The following WARS2 variants were observed in gnomAD, a reference collection of about 807,000 sequenced individuals.
WARS2 encodes tryptophan--tRNA ligase, mitochondrial.
WARS2 carries 28 observed loss-of-function variants against 36.5 expected under a neutral mutation model. That is an observed-to-expected ratio of 0.77 (90% CI 0.57 to 1.05). WARS2 has a LOEUF of 1.05. Among genes scored for constraint, WARS2 ranks in the 50% least tolerant of loss-of-function variants. WARS2 has a pLI of 0.00. For missense variants in WARS2, 435 were observed against 456.8 expected, an observed-to-expected ratio of 0.95 and a Z score of 0.44; for synonymous variants, 174 against 178.4, an observed-to-expected ratio of 0.98 and a Z score of 0.20.
intron 1 of WARS2, among the ~76,000 whole-genome samples, chr1:119,107,617 CCT>C (rs1042840981): frequency 4.7e-5 from 7 of 150,376 alleles, no homozygotes; most frequent in Non-Finnish European, 5.9e-5. Flanking sequence ...CTATATAATG[CCT>C]CTCTCTCTCT....
At chr1:119,081,127 AATC>A (rs1414441117) in intron 1 of WARS2, among the ~76,000 whole-genome samples, 1 of 152,220 alleles carries the variant, frequency 6.6e-6, no homozygotes, top group Admixed American at 6.5e-5. Context: ...TGGGTATTCA[AATC>A]AAAGGTAGAG....
In WARS2 at chr1:119,034,078, A is replaced by T; in HGVS notation, c.634+17T>A. The T allele has an allele frequency of 6.3e-7, 1 of 1,599,304 alleles. No homozygotes were observed. Among genetic ancestry groups the T allele is most frequent in the South Asian group, 1.1e-5 (1 of 90,762 alleles). On this transcript the variant is annotated intron_variant, in intron 5 of 5. Coordinates refer to ENST00000235521, the MANE Select transcript of WARS2 (RefSeq NM_015836.4). ...TAGAATATACCCTGATGTAACAATT[A>T]TAAGTTTCTTACTTACTGAGAATGG...
intron 3 of WARS2, among the ~76,000 whole-genome samples, chr1:119,042,744 T>C (rs1184436098): frequency 6.6e-6 from 1 of 152,172 alleles, no homozygotes; most frequent in African/African-American, 2.4e-5. Flanking sequence ...AAAAGCCCTA[T>C]TGTTTATACA....
At chr1:119,115,192 T>C (rs587686002) in intron 1 of WARS2, among the ~76,000 whole-genome samples, 2 of 152,304 alleles carry the variant, frequency 1.3e-5, no homozygotes, top group African/African-American at 4.8e-5. Flanking sequence ...ATTAGAATCC[T>C]TCTTGCAGTA....
chr1:119,109,278 G>C (rs78569215), intron 1 of WARS2, among the ~76,000 whole-genome samples: 3,162 of 151,950 alleles, frequency 0.021, 101 homozygotes, highest in African/African-American at 0.072. Context: ...TTTTCTGCCT[G>C]CTAGATCTCT....
chr1:119,124,991 TCA>T (rs1344828084), intron 1 of WARS2, among the ~76,000 whole-genome samples: 3 of 152,228 alleles, frequency 2.0e-5, no homozygotes, highest in Non-Finnish European at 2.9e-5. Flanking sequence ...AACATCTGTT[TCA>T]CAGATTCTCA....
intron 1 of WARS2, among the ~76,000 whole-genome samples, chr1:119,083,947 G>A (rs587746398): frequency 1.1e-4 from 17 of 151,800 alleles, no homozygotes; most frequent in South Asian, 4.2e-4. Flanking sequence ...ACAGGTAATC[G>A]ATCAAGAAGC....
At chr1:119,083,968 T>TA (rs1374067105) in intron 1 of WARS2, among the ~76,000 whole-genome samples, 2 of 151,914 alleles carry the variant, frequency 1.3e-5, no homozygotes, top group Non-Finnish European at 2.9e-5. Flanking sequence ...ACTACAATTT[T>TA]AAAAGTACAA....
At chr1:119,067,261 G>A (rs1650955321) in intron 2 of WARS2, among the ~76,000 whole-genome samples, 1 of 152,158 alleles carries the variant, frequency 6.6e-6, no homozygotes, top group Non-Finnish European at 1.5e-5. Flanking sequence ...TAGGAATGAT[G>A]AGTATCAAAT....
At chr1:119,124,354 A>G (rs764783221) in intron 1 of WARS2, among the ~76,000 whole-genome samples, 6 of 151,984 alleles carry the variant, frequency 3.9e-5, no homozygotes, top group Non-Finnish European at 8.8e-5. Context: ...TTAGCCAGGT[A>G]TGGTGTGCGC....
chr1:119,130,652 G>A (rs1160867971), intron 1 of WARS2, among the ~76,000 whole-genome samples: 1 of 152,156 alleles, frequency 6.6e-6, no homozygotes, highest in African/African-American at 2.4e-5. Context: ...TATGGTTTAA[G>A]TTCAACAATC....
intron 1 of WARS2, among the ~76,000 whole-genome samples, chr1:119,135,235 T>G (rs910910706): frequency 3.3e-5 from 5 of 152,218 alleles, no homozygotes; most frequent in Non-Finnish European, 7.4e-5. Context: ...GAAGCTGCAG[T>G]ATTTTTCAAA....
chr1:119,074,029 C>T (rs1028861955), intron 2 of WARS2, among the ~76,000 whole-genome samples: 7 of 152,104 alleles, frequency 4.6e-5, no homozygotes, highest in African/African-American at 1.2e-4. Context: ...AATAGGTACT[C>T]GTGGCTGGGA....
intron 2 of WARS2, among the ~76,000 whole-genome samples, chr1:119,069,703 A>G (rs1255130326): frequency 6.6e-6 from 1 of 152,130 alleles, no homozygotes; most frequent in Non-Finnish European, 1.5e-5. Flanking sequence ...AGCTAAGCTG[A>G]GTTTAGATTT....
chr1:119,044,056 A>C (rs756888477), intron 3 of WARS2, among the ~76,000 whole-genome samples: 5 of 152,216 alleles, frequency 3.3e-5, no homozygotes, highest in Non-Finnish European at 7.3e-5. Context: ...ACAGACTATA[A>C]GTCTCACGAA....
chr1:119,041,036 C>CTGCA (rs1557935042), intron 4 of WARS2, among the ~76,000 whole-genome samples: 1 of 152,200 alleles, frequency 6.6e-6, no homozygotes, highest in Non-Finnish European at 1.5e-5. Context: ...TGAAGATAGG[C>CTGCA]TGCATGTACT....
intron 1 of WARS2, among the ~76,000 whole-genome samples, chr1:119,117,955 A>G (rs1034341050): frequency 6.6e-6 from 1 of 152,152 alleles, no homozygotes; most frequent in African/African-American, 2.4e-5. Context: ...ATATCTTTCC[A>G]CTGAAACAGT....
At chr1:119,082,484 G>A (rs587736741) in intron 1 of WARS2, 3 of 980,236 alleles carry the variant, frequency 3.1e-6, no homozygotes, top group East Asian at 2.3e-4. Flanking sequence ...ATTTTCTAGG[G>A]AAGGACACTG....
In WARS2 at chr1:119,059,538, G is replaced by GA. The variant is rs1489153596; in HGVS notation, c.349-13877_349-13876insT. Among the ~76,000 whole-genome samples, 7 of 152,176 alleles carry GA rather than the reference G, an allele frequency of 4.6e-5. No individual in the cohort carries two copies. In the East Asian group the frequency reaches 1.3e-3, roughly 29 times the overall value. On this transcript the variant is annotated intron_variant, in intron 2 of 5. Transcript: ENST00000235521. ...TTTCTACATTTCTTTTCAGTGACCT[G>GA]TAAGTCTATGTCCATACCACACTCT...
Sources: allele counts gnomAD v4.1 joint callset (sites outside exome capture counted in the v4.1 genomes callset), GRCh38; gene constraint gnomAD v4.1.1; transcripts MANE v1.5; gene names NCBI Gene and HGNC (gene_info 2026-07-23, HGNC 2026-07-21).